GRID1: variants seen among roughly 807,000 people sequenced by gnomAD.
GRID1 encodes glutamate ionotropic receptor delta type subunit 1, also known as glutamate receptor ionotropic, delta-1.
In GRID1, 28 loss-of-function variants were observed where a neutral mutation model predicts 98.0. That is an observed-to-expected ratio of 0.29 (90% CI 0.21 to 0.39). The LOEUF is 0.39. Ranked by LOEUF, GRID1 falls within the 10% of genes least tolerant of loss-of-function variation. The pLI is 1.00. For synonymous variants in GRID1, 553 were observed against 538.5 expected (o/e 1.03, Z -0.37); for missense variants, 1,111 against 1,340.5 (o/e 0.83, Z 2.67).
At chr10:86,283,386 C>G (rs1274925907) in intron 2 of GRID1, among the ~76,000 whole-genome samples, 1 of 152,156 alleles carries the variant, frequency 6.6e-6, no homozygotes, top group Non-Finnish European at 1.5e-5. Flanking sequence ...GTGAGGGGCC[C>G]CAGTATCTAG....
intron 4 of GRID1, among the ~76,000 whole-genome samples, chr10:86,021,536 T>TA (rs1339941327): frequency 6.6e-6 from 1 of 152,110 alleles, no homozygotes; most frequent in Non-Finnish European, 1.5e-5. Context: ...ACTTCATTTT[T>TA]AAAAGCAGTA....
intron 12 of GRID1, among the ~76,000 whole-genome samples, chr10:85,699,084 A>AC (rs1841424973): frequency 6.6e-6 from 1 of 151,334 alleles, no homozygotes; most frequent in African/African-American, 2.4e-5. Flanking sequence ...ATAGAGTCTC[A>AC]CTCTGTGGCC....
intron 13 of GRID1, among the ~76,000 whole-genome samples, chr10:85,623,053 C>T (rs535619967): frequency 3.7e-4 from 56 of 152,314 alleles, no homozygotes; most frequent in Non-Finnish European, 7.4e-4. Flanking sequence ...CAGATTCTAG[C>T]TCTGTCCTTA....
chr10:85,957,714 C>A (rs1423304576), intron 4 of GRID1, among the ~76,000 whole-genome samples: 1 of 152,194 alleles, frequency 6.6e-6, no homozygotes, highest in South Asian at 2.1e-4. Context: ...GACTCCAAGC[C>A]TGCTCTGCAG....
intron 2 of GRID1, among the ~76,000 whole-genome samples, chr10:86,311,599 T>C (rs373830324): frequency 0.16 from 285 of 1,822 alleles, no homozygotes; most frequent in Middle Eastern, 0.5. Context: ...GATGCCAGAG[T>C]GGAAAAAAAA....
intron 8 of GRID1, among the ~76,000 whole-genome samples, chr10:85,826,776 A>G (rs1842824112): frequency 6.6e-6 from 1 of 152,182 alleles, no homozygotes. Flanking sequence ...CCAGCACAGC[A>G]GGTTCCTAAC....
chr10:85,790,159 T>C (rs533342420), intron 8 of GRID1, among the ~76,000 whole-genome samples: 1 of 152,344 alleles, frequency 6.6e-6, no homozygotes, highest in Non-Finnish European at 1.5e-5. Context: ...TGACTGAGCC[T>C]GTCCACCAAA....
intron 2 of GRID1, among the ~76,000 whole-genome samples, chr10:86,354,418 G>A (rs900455062): frequency 3.9e-5 from 6 of 152,176 alleles, no homozygotes; most frequent in African/African-American, 9.7e-5. Context: ...ACTATGTGCC[G>A]GCACCCACGC....
chr10:85,842,678 T>G (rs1268545673), intron 8 of GRID1, among the ~76,000 whole-genome samples: 1 of 152,076 alleles, frequency 6.6e-6, no homozygotes, highest in African/African-American at 2.4e-5. Flanking sequence ...TCCTACAAAC[T>G]ACCAGAAGTC....
chr10:86,282,486 A>G (rs1847370356), intron 2 of GRID1, among the ~76,000 whole-genome samples: 1 of 152,144 alleles, frequency 6.6e-6, no homozygotes, highest in Admixed American at 6.5e-5. Context: ...GGTCCATCTC[A>G]GGGAACAGTT....
intron 2 of GRID1, among the ~76,000 whole-genome samples, chr10:86,316,704 C>T (rs1434683755): frequency 6.8e-6 from 1 of 147,900 alleles, no homozygotes; most frequent in African/African-American, 2.6e-5. Context: ...TCCTGAGCAC[C>T]AGCCTTGCAT....
At chr10:86,022,763 C>A (rs1843066512) in intron 4 of GRID1, among the ~76,000 whole-genome samples, 1 of 151,746 alleles carries the variant, frequency 6.6e-6, no homozygotes, top group African/African-American at 2.4e-5. Flanking sequence ...ACTAAAAATA[C>A]AAAAATTAGC....
chr10:85,848,159 T>C (rs1409655962), intron 8 of GRID1, among the ~76,000 whole-genome samples: 3 of 152,144 alleles, frequency 2.0e-5, no homozygotes, highest in Admixed American at 6.5e-5. Flanking sequence ...TGATATAACA[T>C]AGACTTTATA....
chr10:85,615,359 GC>G (rs1004400145), intron 14 of GRID1, among the ~76,000 whole-genome samples: 2 of 152,194 alleles, frequency 1.3e-5, no homozygotes, highest in Non-Finnish European at 2.9e-5. Context: ...ACTGTTGACC[GC>G]CACTTAGATG....
intron 4 of GRID1, among the ~76,000 whole-genome samples, chr10:86,082,876 G>A (rs1168618396): frequency 6.6e-6 from 1 of 152,116 alleles, no homozygotes; most frequent in Non-Finnish European, 1.5e-5. Flanking sequence ...TTCCTCCTTT[G>A]TAGTGTGTTC....
intron 5 of GRID1, among the ~76,000 whole-genome samples, chr10:85,876,923 T>C (rs141843899): frequency 1.2e-4 from 18 of 152,272 alleles, no homozygotes; most frequent in African/African-American, 4.1e-4. Context: ...GCTTTTCCAA[T>C]GGGCTTAAAA....
At chr10:86,264,718 C>G in intron 2 of GRID1, 1 of 484,056 alleles carries the variant, frequency 2.1e-6, no homozygotes, top group South Asian at 1.5e-5. Context: ...CAGCTGCAGG[C>G]CCAGCCCCTG....
intron 4 of GRID1, among the ~76,000 whole-genome samples, chr10:85,983,705 T>C (rs11598919): frequency 0.74 from 112,553 of 151,828 alleles, 41,952 homozygotes; most frequent in South Asian, 0.85. Flanking sequence ...GGATGGTGAG[T>C]AGGAACTGGC....
At chr10:86,233,974 C>T (rs2132037687) in intron 2 of GRID1, among the ~76,000 whole-genome samples, 1 of 151,804 alleles carries the variant, frequency 6.6e-6, no homozygotes, top group Admixed American at 6.6e-5. Flanking sequence ...GGTGGGGGTG[C>T]TTCTCCCCTG....
Sources: allele counts gnomAD v4.1 joint callset (sites outside exome capture counted in the v4.1 genomes callset), GRCh38; gene constraint gnomAD v4.1.1; transcripts MANE v1.5; gene names NCBI Gene and HGNC (gene_info 2026-07-23, HGNC 2026-07-21).